MNAT1: variants seen among roughly 807,000 people sequenced by gnomAD.
MNAT1 encodes the protein MNAT1 component of CDK activating kinase.
Under a neutral mutation model 42.0 loss-of-function variants are expected in MNAT1, and 43 were observed. The observed-to-expected ratio is 1.02, with a 90% CI of 0.80 to 1.32. The LOEUF (loss-of-function observed/expected upper bound fraction) is 1.32. Ranked by LOEUF, MNAT1 falls within the 40% of genes most tolerant of loss-of-function variation. The pLI is 0.00. For synonymous variants in MNAT1, 118 were observed against 120.0 expected (o/e 0.98, Z 0.11); for missense variants, 306 against 350.4 (o/e 0.87, Z 1.01).
At chr14:60,909,384 A>T (rs1053805006) in intron 7 of MNAT1, among the ~76,000 whole-genome samples, 1 of 152,220 alleles carries the variant, frequency 6.6e-6, no homozygotes, top group Non-Finnish European at 1.5e-5. Flanking sequence ...TGTTTTAAAC[A>T]TGAAGTCCTT....
intron 1 of MNAT1, among the ~76,000 whole-genome samples, chr14:60,741,441 G>C (rs971903222): frequency 9.9e-5 from 15 of 151,974 alleles, no homozygotes; most frequent in African/African-American, 3.6e-4. Flanking sequence ...CTCACGGCAA[G>C]CTCCGCCTCC....
At chr14:60,820,417 G>A (rs1359128994) in intron 6 of MNAT1, among the ~76,000 whole-genome samples, 1 of 151,948 alleles carries the variant, frequency 6.6e-6, no homozygotes, top group Non-Finnish European at 1.5e-5. Context: ...TTTAGCAAAT[G>A]TGTAGCAGCT....
chr14:60,914,053 G>A (rs907315819), intron 7 of MNAT1, among the ~76,000 whole-genome samples: 26 of 152,296 alleles, frequency 1.7e-4, no homozygotes, highest in African/African-American at 4.3e-4. Flanking sequence ...CCTCGCTGCC[G>A]CCTTGCAGTT....
chr14:60,939,075 G>A (rs937947954), intron 7 of MNAT1, among the ~76,000 whole-genome samples: 3 of 152,078 alleles, frequency 2.0e-5, no homozygotes, highest in African/African-American at 7.2e-5. Flanking sequence ...GATCGGTGGT[G>A]ATATCCCCTT....
chr14:60,964,167 G>T (rs1373659353), intron 7 of MNAT1, among the ~76,000 whole-genome samples: 1 of 152,162 alleles, frequency 6.6e-6, no homozygotes, highest in Admixed American at 6.5e-5. Context: ...GGGAGCAAAA[G>T]CTGCAAAATA....
intron 7 of MNAT1, among the ~76,000 whole-genome samples, chr14:60,880,428 G>A (rs185244158): frequency 1.6e-4 from 25 of 152,116 alleles, no homozygotes; most frequent in Non-Finnish European, 1.9e-4. Context: ...CTTGAAAAGC[G>A]CAGGCACAGA....
chr14:60,914,735 C>T lies in MNAT1; in HGVS notation c.809+34900C>T, dbSNP rs778316326. 1.1e-3 allele frequency among the ~76,000 whole-genome samples: 162 copies of T among 152,014 alleles called. 2 individuals carry two copies. Among genetic ancestry groups the T allele is most frequent in the Non-Finnish European group, 5.1e-4 (35 of 68,014 alleles). ...ACATTATTTTAAGTAGGCTATAGAG[C>T]CTTAGGGAGATTTAAAAAAGATATC... On this transcript the variant is annotated intron_variant, in intron 7 of 7. Transcript: ENST00000261245.
At chr14:60,736,278 AC>A (rs1896306357) in intron 1 of MNAT1, among the ~76,000 whole-genome samples, 1 of 152,070 alleles carries the variant, frequency 6.6e-6, no homozygotes. Flanking sequence ...TTATGGTGGA[AC>A]AGGAAAGAGA....
chr14:60,840,739 C>T lies in MNAT1; in HGVS notation c.687+21892C>T, dbSNP rs2033525951. ...GTGCAAATGGCATGATCTCTGCTCA[C>T]CACAACCTCTGCCTCCTGGGTTCAA... On this transcript the variant is annotated intron_variant, in intron 6 of 7. Transcript: ENST00000261245. 4.6e-5 allele frequency among the ~76,000 whole-genome samples: 7 copies of T among 152,258 alleles called. 1 individual carries two copies. In the South Asian group the frequency reaches 1.2e-3, roughly 27 times the overall value.
chr14:60,959,505 C>T (rs902891475), intron 7 of MNAT1, among the ~76,000 whole-genome samples: 1 of 129,444 alleles, frequency 7.7e-6, no homozygotes, highest in African/African-American at 2.9e-5. Flanking sequence ...CTCTTTCATC[C>T]TGCTCTCCAT....
intron 6 of MNAT1, among the ~76,000 whole-genome samples, chr14:60,865,168 G>A (rs2034177145): frequency 6.6e-6 from 1 of 152,022 alleles, no homozygotes. Context: ...ATGGCGTAAA[G>A]AAACTTCTAT....
chr14:60,940,107 A>G (rs1046533481), intron 7 of MNAT1, among the ~76,000 whole-genome samples: 3 of 151,832 alleles, frequency 2.0e-5, no homozygotes, highest in Non-Finnish European at 4.4e-5. Context: ...CCATCCCTTT[A>G]TTTTGAGCTT....
chr14:60,891,781 C>T (rs1000862159), intron 7 of MNAT1, among the ~76,000 whole-genome samples: 1 of 152,026 alleles, frequency 6.6e-6, no homozygotes, highest in African/African-American at 2.4e-5. Context: ...AATGTTAGCA[C>T]TCATAGCTAT....
At chr14:60,822,997 C>G (rs1352537929) in intron 6 of MNAT1, among the ~76,000 whole-genome samples, 1 of 152,112 alleles carries the variant, frequency 6.6e-6, no homozygotes, top group African/African-American at 2.4e-5. Flanking sequence ...GCTCAAGCCA[C>G]CTGCCTGCCT....
chr14:60,952,204 A>T (rs1231567990), intron 7 of MNAT1, among the ~76,000 whole-genome samples: 1 of 152,188 alleles, frequency 6.6e-6, no homozygotes, highest in Non-Finnish European at 1.5e-5. Flanking sequence ...TTCAGGGTAC[A>T]TGGAGATGGT....
At chr14:60,875,750 G>A (rs1034534869) in intron 6 of MNAT1, among the ~76,000 whole-genome samples, 3 of 151,802 alleles carry the variant, frequency 2.0e-5, no homozygotes. Context: ...TAGTAATTTG[G>A]GTATTGTTGC....
chr14:60,892,523 A>G (rs990715045), intron 7 of MNAT1, among the ~76,000 whole-genome samples: 1 of 152,046 alleles, frequency 6.6e-6, no homozygotes, highest in Non-Finnish European at 1.5e-5. Flanking sequence ...TAGTTGGATC[A>G]TGGTTTTATT....
intron 3 of MNAT1, among the ~76,000 whole-genome samples, chr14:60,800,436 T>A (rs2032166052): frequency 6.6e-6 from 1 of 152,058 alleles, no homozygotes; most frequent in Admixed American, 6.6e-5. Context: ...CCCAGCTACT[T>A]GGGAGGCTGA....
At chr14:60,872,007 T>C (rs2034335544) in intron 6 of MNAT1, among the ~76,000 whole-genome samples, 1 of 152,158 alleles carries the variant, frequency 6.6e-6, no homozygotes, top group African/African-American at 2.4e-5. Context: ...TGGTCTGCAT[T>C]TTGTCTTTTT....
Sources: allele counts gnomAD v4.1 joint callset (sites outside exome capture counted in the v4.1 genomes callset), GRCh38; gene constraint gnomAD v4.1.1; transcripts MANE v1.5; gene names NCBI Gene and HGNC (gene_info 2026-07-23, HGNC 2026-07-21).